Variants in DOCK4 observed in about 807,000 individuals in gnomAD.
DOCK4 encodes dedicator of cytokinesis protein 4.
DOCK4 carries 97 observed loss-of-function variants against 268.1 expected under a neutral mutation model. That is an observed-to-expected ratio of 0.36 (90% confidence interval 0.31 to 0.43). DOCK4 has a LOEUF of 0.43. Among genes scored for constraint, DOCK4 ranks in the 20% least tolerant of loss-of-function variants. The probability of loss-of-function intolerance (pLI) is 1.00; values close to 1 mark genes in which losing one functional copy is unlikely to be tolerated. For missense variants in DOCK4, 2,145 were observed against 2,455.7 expected (o/e 0.87, Z 2.67); for synonymous variants, 954 against 887.2 (o/e 1.08, Z -1.34).
chr7:111,769,031 T>A (rs985723291), intron 37 of DOCK4, among the ~76,000 whole-genome samples: 2 of 152,182 alleles, frequency 1.3e-5, no homozygotes, highest in African/African-American at 4.8e-5. Context: ...TTTCACCATG[T>A]GAAGATACAG....
At chr7:111,855,823 G>A (rs1246666354) in intron 23 of DOCK4, among the ~76,000 whole-genome samples, 1 of 152,110 alleles carries the variant, frequency 6.6e-6, no homozygotes, top group Non-Finnish European at 1.5e-5. Context: ...GGTTCAATTT[G>A]TTATAGTATT....
intron 1 of DOCK4, among the ~76,000 whole-genome samples, chr7:112,105,602 C>T (rs901940037): frequency 1.3e-5 from 2 of 149,230 alleles, no homozygotes; most frequent in African/African-American, 4.9e-5. Context: ...AAGGTTTCTT[C>T]TTTCTTCTTT....
At chr7:111,838,086 CAAAAAAAA>C (rs749907970) in intron 25 of DOCK4, among the ~76,000 whole-genome samples, 2 of 29,836 alleles carry the variant, frequency 6.7e-5, no homozygotes, top group African/African-American at 2.0e-4. Flanking sequence ...AACCCTACCT[CAAAAAAAA>C]AAAAAAAAAA....
At chr7:112,128,403 C>T (rs568648122) in intron 1 of DOCK4, among the ~76,000 whole-genome samples, 36 of 152,292 alleles carry the variant, frequency 2.4e-4, no homozygotes, top group East Asian at 1.9e-4. Context: ...GGCCACCACC[C>T]CGTCTGGGAG....
chr7:112,105,003 C>T (rs2158127), intron 1 of DOCK4, among the ~76,000 whole-genome samples: 55,027 of 151,958 alleles, frequency 0.36, 10,183 homozygotes, highest in African/African-American at 0.43. Context: ...AGGTTATCCT[C>T]TAAAGACTAC....
chr7:111,906,351 T>G (rs756439368), intron 13 of DOCK4, among the ~76,000 whole-genome samples: 1 of 151,932 alleles, frequency 6.6e-6, no homozygotes, highest in Non-Finnish European at 1.5e-5. Context: ...AGGTAGACAA[T>G]AGAATTAACT....
At chr7:112,098,280 G>C (rs920639069) in intron 1 of DOCK4, among the ~76,000 whole-genome samples, 3 of 152,034 alleles carry the variant, frequency 2.0e-5, no homozygotes, top group Non-Finnish European at 4.4e-5. Context: ...CTGAGTTCAA[G>C]CAATTCTCCT....
At position 111,782,883 on chromosome 7, in the gene DOCK4, C is replaced by T. The variant is rs1163288943; in HGVS notation, c.3566G>A (p.Gly1189Asp). The T allele has an allele frequency of 6.2e-7, 1 of 1,613,412 alleles. No individual in the cohort carries two copies. The highest frequency in any genetic ancestry group is 8.5e-7 in the Non-Finnish European group (1 of 1,179,744). The part of the protein sequence containing the change: ...KMGEVDGKKI[G>D]CTVSLLNFYK... ...ACTAACCAGAAGGCTAACTGTGCAG[C>T]CAATCTTTTTGCCATCTACCTCTCC... The change falls in exon 35 of 53, where the codon GGC becomes GAC. Residue 1189 changes from glycine (G) to aspartate (D), a missense_variant. Transcript: ENST00000428084.
chr7:111,995,413 TTGTGTGTGTG>T (rs71529492), intron 4 of DOCK4, among the ~76,000 whole-genome samples: 303 of 116,986 alleles, frequency 2.6e-3, no homozygotes, highest in African/African-American at 7.2e-3. Flanking sequence ...AATTCTTTCT[TTGTGTGTGTG>T]TGTGTGTGTG....
At chr7:112,159,844 A>AATATATATACATAATATTATGTATAT (rs1816941338) in intron 1 of DOCK4, among the ~76,000 whole-genome samples, 3 of 147,982 alleles carry the variant, frequency 2.0e-5, no homozygotes, top group African/African-American at 7.4e-5. Context: ...ATATATACAT[A>AATATATATACATAATATTATGTATAT]ATATATATAC....
intron 34 of DOCK4, among the ~76,000 whole-genome samples, chr7:111,783,504 T>A (rs938482152): frequency 6.6e-6 from 1 of 152,130 alleles, no homozygotes; most frequent in African/African-American, 2.4e-5. Flanking sequence ...CATTACATTG[T>A]TTTCACCCTA....
chr7:111,728,184 TATTA>T lies in DOCK4; in HGVS notation c.*86_*89del. The T allele has an allele frequency of 5.1e-6, 5 of 986,634 alleles. No homozygotes were observed. Among genetic ancestry groups the T allele is most frequent in the Non-Finnish European group, 5.4e-6 (4 of 737,452 alleles). The allele number at this position is 986,634 out of a possible 1,614,324, so 61.1% of individuals were successfully genotyped here. The stretch of plus-strand genomic sequence containing the variant: ...CATTCATCGAAGGAGCTGAGTAAGT[TATTA>T]AAGTGCCTACACTAAATGTCTTCTC... On this transcript the variant is annotated 3_prime_UTR_variant, in exon 53 of 53. Transcript: ENST00000428084.
intron 1 of DOCK4, among the ~76,000 whole-genome samples, chr7:112,087,654 T>C (rs1331058116): frequency 6.6e-6 from 1 of 152,146 alleles, no homozygotes; most frequent in African/African-American, 2.4e-5. Flanking sequence ...TTATCTAAAA[T>C]ACTATGTACC....
At position 112,066,710 on chromosome 7, in the gene DOCK4, T is replaced by C. The variant is rs1246291555; in HGVS notation, c.38-62579A>G. Among the ~76,000 whole-genome samples the C allele has an allele frequency of 1.3e-3, 106 of 82,408 alleles. 3 individuals are homozygous for C. The highest frequency in any genetic ancestry group is 4.8e-3 in the African/African-American group (97 of 20,270). 54.1% of individuals were successfully genotyped at this position (82,408 alleles called of 152,430 possible). ...ATATACATATATATATATATATATA[T>C]ATATATATATATATATATATATATA... is the stretch of plus-strand genomic sequence containing the variant. On this transcript the variant is annotated intron_variant, in intron 1 of 52. Transcript: ENST00000428084.
chr7:112,167,312 G>A (rs1241069579), intron 1 of DOCK4, among the ~76,000 whole-genome samples: 1 of 152,158 alleles, frequency 6.6e-6, no homozygotes, highest in Non-Finnish European at 1.5e-5. Flanking sequence ...GAAGCAGGTG[G>A]TCAAGTAGCT....
intron 51 of DOCK4, 62 bp from the exon 52 acceptor site, chr7:111,732,349 C>T (rs1458932891): frequency 6.4e-7 from 1 of 1,558,224 alleles, no homozygotes; most frequent in East Asian, 2.2e-5. Flanking sequence ...ACTATCTGCA[C>T]ATGCCCTCTG....
At chr7:111,802,166 C>A (rs1172022250) in intron 30 of DOCK4, among the ~76,000 whole-genome samples, 1 of 152,110 alleles carries the variant, frequency 6.6e-6, no homozygotes, top group Admixed American at 6.6e-5. Context: ...ACCTGTGCAA[C>A]CTGAACTCAA....
At chr7:112,149,593 A>G (rs1586924849) in intron 1 of DOCK4, among the ~76,000 whole-genome samples, 1 of 152,066 alleles carries the variant, frequency 6.6e-6, no homozygotes, top group East Asian at 1.9e-4. Flanking sequence ...GAAGACTATC[A>G]AAGAAGAGAA....
At chr7:112,034,059 T>C (rs1803517533) in intron 1 of DOCK4, among the ~76,000 whole-genome samples, 1 of 152,144 alleles carries the variant, frequency 6.6e-6, no homozygotes, top group Admixed American at 6.5e-5. Flanking sequence ...TGCATACTCA[T>C]ATGGGAAATA....
Sources: gnomAD v4.1 joint callset for allele counts (sites outside exome capture counted in the v4.1 genomes callset) on GRCh38, gnomAD v4.1.1 for gene constraint, MANE v1.5 for transcripts, NCBI Gene and HGNC (gene_info 2026-07-23, HGNC 2026-07-21) for gene names.